Variants in CERKL observed in about 807,000 individuals in gnomAD.
The protein encoded by CERKL is ceramide kinase-like protein.
A neutral mutation model predicts 63.4 loss-of-function variants in CERKL; 61 were observed. The observed-to-expected ratio is 0.96, with a 90% CI of 0.78 to 1.19. The LOEUF is 1.19. Among genes scored for constraint, CERKL ranks in the 50% most tolerant of loss-of-function variants. CERKL has a pLI of 0.00. For synonymous variants in CERKL, 250 were observed against 230.5 expected (o/e 1.08, Z -0.77); for missense variants, 675 against 655.5 (o/e 1.03, Z -0.33).
chr2:181,537,837 T>TTCAAA lies in CERKL; in HGVS notation c.*346_*347insTTTGA, dbSNP rs1559065010. The stretch of plus-strand genomic sequence containing the variant: ...AGAGGCTAATTGTTAGTAACATCAA[T>TTCAAA]TTCTATTAGGATATCCGTTTGGCCA... On this transcript the variant is annotated 3_prime_UTR_variant, in exon 13 of 13. Coordinates refer to ENST00000410087, the MANE Select transcript of CERKL (RefSeq NM_201548.5). 1.8e-5 allele frequency: 9 copies of TTCAAA among 488,652 alleles called. No individual in the cohort carries two copies. The highest frequency in any genetic ancestry group is 3.6e-5 in the Non-Finnish European group (9 of 249,926). The allele number at this position is 488,652 out of a possible 1,614,324, so 30.3% of individuals were successfully genotyped here. A position where few individuals can be genotyped will look rare whatever the true frequency, so the allele number is the denominator to read the frequency against.
Position 181,564,662 on chromosome 2 carries a change from A to G in CERKL, c.677+1396T>C, listed in dbSNP as rs540232238. Among the ~76,000 whole-genome samples, 144 of 152,322 alleles carry G rather than the reference A, an allele frequency of 9.5e-4. 1 individual carries two copies. The highest frequency in any genetic ancestry group is 1.8e-3 in the Non-Finnish European group (123 of 68,024). On this transcript the variant is annotated intron_variant, in intron 4 of 12. Coordinates refer to ENST00000410087, the MANE Select transcript of CERKL (RefSeq NM_201548.5). Reference sequence around the variant, plus strand: ...ACTGCATTCAGCAGAACATTCTGTAATGCTGCTGTGTAAGAACAAGTTTAA... The same window carrying G: ...ACTGCATTCAGCAGAACATTCTGTAGTGCTGCTGTGTAAGAACAAGTTTAA...
At chr2:181,638,847 A>G (rs1373943632) in intron 1 of CERKL, among the ~76,000 whole-genome samples, 1 of 152,214 alleles carries the variant, frequency 6.6e-6, no homozygotes, top group African/African-American at 2.4e-5. Context: ...ACATCTGATC[A>G]TGGTCTGAGG....
intron 1 of CERKL, among the ~76,000 whole-genome samples, chr2:181,605,511 A>G (rs1344064919): frequency 6.6e-6 from 1 of 152,194 alleles, no homozygotes; most frequent in Non-Finnish European, 1.5e-5. Flanking sequence ...AAGTATTTAG[A>G]AGAGTATTGG....
chr2:181,565,291 T>C lies in CERKL; in HGVS notation c.677+767A>G, dbSNP rs1574454420. 4.5e-6 allele frequency: 3 copies of C among 667,632 alleles called. No homozygotes were observed. The East Asian group carries it at 8.2e-5, about 18-fold the overall frequency. 41.4% of individuals were successfully genotyped at this position (667,632 alleles called of 1,614,324 possible). On this transcript the variant is annotated intron_variant, in intron 4 of 12. Coordinates refer to ENST00000410087, the MANE Select transcript of CERKL (RefSeq NM_201548.5). ...AAATAATTCACACACTTGTCAACTT[T>C]TTAAATTCTCAAATATCTACTCACG...
chr2:181,552,396 A>T (rs902562748), intron 5 of CERKL, among the ~76,000 whole-genome samples: 1 of 152,120 alleles, frequency 6.6e-6, no homozygotes, highest in African/African-American at 2.4e-5. Flanking sequence ...GTGAGTTCTC[A>T]TGAGATCTGA....
At chr2:181,549,872 A>G (rs539574776) in intron 5 of CERKL, among the ~76,000 whole-genome samples, 164 bp from the exon 6 acceptor site, 1 of 152,360 alleles carries the variant, frequency 6.6e-6, no homozygotes, top group South Asian at 2.1e-4. Context: ...TTAAGTTCTT[A>G]TTCACAGTAT....
chr2:181,565,611 A>G, intron 4 of CERKL: 1 of 952,132 alleles, frequency 1.1e-6, no homozygotes, highest in Non-Finnish European at 1.6e-6. Context: ...TTGTATTTAT[A>G]AAATATCTTC....
At chr2:181,620,592 T>G (rs1318553321) in intron 1 of CERKL, among the ~76,000 whole-genome samples, 3 of 152,164 alleles carry the variant, frequency 2.0e-5, no homozygotes, top group African/African-American at 7.2e-5. Flanking sequence ...AGAAGAAACT[T>G]TACCTGAGAG....
At chr2:181,650,656 G>C (rs1239509821) in intron 1 of CERKL, among the ~76,000 whole-genome samples, 1 of 152,118 alleles carries the variant, frequency 6.6e-6, no homozygotes, top group Non-Finnish European at 1.5e-5. Flanking sequence ...TACTCAGGAA[G>C]GCTGAGGCAG....
At position 181,558,544 on chromosome 2, in the gene CERKL, G is replaced by T; in HGVS notation, c.820+22C>A. 7 of 1,611,734 alleles carry T rather than the reference G, an allele frequency of 4.3e-6. No individual in the cohort carries two copies. The highest frequency in any genetic ancestry group is 5.9e-6 in the Non-Finnish European group (7 of 1,178,800). On this transcript the variant is annotated intron_variant, in intron 5 of 12. Coordinates refer to ENST00000410087, the MANE Select transcript of CERKL (RefSeq NM_201548.5). The surrounding 1 kb of genome is among the most constrained non-coding windows in gnomAD (Gnocchi z 4.2). ...AAAGAGGGAGAAGGGTCAGTTTAAT[G>T]AATCTGTAGCCACTCCCTTGCCTGC...
intron 2 of CERKL, among the ~76,000 whole-genome samples, chr2:181,583,702 T>C (rs1684635961): frequency 6.6e-6 from 1 of 152,214 alleles, no homozygotes; most frequent in South Asian, 2.1e-4. Flanking sequence ...TAGTAACTCT[T>C]ATGTATGATA....
At chr2:181,654,162 A>C (rs2105556559) in intron 1 of CERKL, among the ~76,000 whole-genome samples, 1 of 145,438 alleles carries the variant, frequency 6.9e-6, no homozygotes, top group Middle Eastern at 3.5e-3. Flanking sequence ...TCTCTACTTA[A>C]AAAAAAAAAA....
At chr2:181,575,182 C>T (rs1689076285) in intron 2 of CERKL, among the ~76,000 whole-genome samples, 1 of 152,178 alleles carries the variant, frequency 6.6e-6, no homozygotes. Flanking sequence ...GCTGTCCTCC[C>T]CTTCCACTGC....
In CERKL at chr2:181,595,125, AT is replaced by A. The variant is rs375120821; in HGVS notation, c.481+8711del. Among the ~76,000 whole-genome samples the A allele has an allele frequency of 3.1e-3, 466 of 152,300 alleles. 3 individuals are homozygous for A. Among genetic ancestry groups the A allele is most frequent in the African/African-American group, 0.011 (446 of 41,576 alleles). Reference sequence around the variant, plus strand: ...GTCAATGTTTTATCTAATTCTGTAGATTTACAGAATTTGTGTTTTGCTTAGG... The same window carrying A: ...GTCAATGTTTTATCTAATTCTGTAGATTACAGAATTTGTGTTTTGCTTAGG... On this transcript the variant is annotated intron_variant, in intron 2 of 12. Transcript: ENST00000410087.
At chr2:181,609,031 G>C (rs1164781666) in intron 1 of CERKL, among the ~76,000 whole-genome samples, 1 of 152,150 alleles carries the variant, frequency 6.6e-6, no homozygotes, top group Non-Finnish European at 1.5e-5. Flanking sequence ...AAAATCTACT[G>C]AGAGACAAAG....
intron 1 of CERKL, among the ~76,000 whole-genome samples, chr2:181,645,155 C>A (rs767037870): frequency 2.0e-5 from 3 of 151,968 alleles, no homozygotes; most frequent in African/African-American, 7.3e-5. Flanking sequence ...TATATACTGG[C>A]GATTCATTTA....
At chr2:181,633,903 T>A (rs1321281692) in intron 1 of CERKL, among the ~76,000 whole-genome samples, 1 of 152,128 alleles carries the variant, frequency 6.6e-6, no homozygotes, top group Non-Finnish European at 1.5e-5. Context: ...GGATATAAAC[T>A]GACCAAGGAT....
chr2:181,573,019 G>A (rs1365839675), intron 3 of CERKL, among the ~76,000 whole-genome samples: 1 of 151,846 alleles, frequency 6.6e-6, no homozygotes, highest in Non-Finnish European at 1.5e-5. Context: ...AAAATTTATT[G>A]CAAATTTCCA....
intron 1 of CERKL, among the ~76,000 whole-genome samples, chr2:181,639,335 T>C (rs996865898): frequency 1.3e-5 from 2 of 152,134 alleles, no homozygotes; most frequent in African/African-American, 2.4e-5. Context: ...AACTCAGTAA[T>C]GGGTCACATA....
Sources: allele counts gnomAD v4.1 joint callset (sites outside exome capture counted in the v4.1 genomes callset), GRCh38; gene constraint gnomAD v4.1.1; non-coding constraint Gnocchi (gnomAD v3.1); transcripts MANE v1.5; gene names NCBI Gene and HGNC (gene_info 2026-07-23, HGNC 2026-07-21).